MTERF4: variants seen among roughly 807,000 people sequenced by gnomAD.
MTERF4 encodes transcription termination factor 4, mitochondrial.
In MTERF4, 17 loss-of-function variants were observed where a neutral mutation model predicts 22.5. The observed-to-expected ratio is 0.75, with a 90% CI of 0.52 to 1.13. MTERF4 has a LOEUF of 1.13. Among genes scored for constraint, MTERF4 ranks in the 50% most tolerant of loss-of-function variants. MTERF4 has a pLI of 0.00. For synonymous variants in MTERF4, 165 were observed against 175.3 expected (o/e 0.94, Z 0.47); for missense variants, 420 against 466.8 (o/e 0.90, Z 0.92).
chr2:241,050,527 G>A, the MTERF4 span, among the ~76,000 whole-genome samples: 16 of 152,252 alleles, frequency 1.1e-4, no homozygotes, highest in South Asian at 2.1e-4. Flanking sequence ...AGGCACCCCC[G>A]CAGCCTGGAC....
At chr2:241,085,154 T>C (rs1304326602), downstream of MTERF4, among the ~76,000 whole-genome samples, 2 of 152,234 alleles carry the variant, frequency 1.3e-5, no homozygotes, top group Non-Finnish European at 2.9e-5. Flanking sequence ...GTTTTAATTT[T>C]GTCAAACTTC....
At chr2:241,071,987 A>C, downstream of MTERF4, 1 of 979,068 alleles carries the variant, frequency 1.0e-6, no homozygotes, top group Non-Finnish European at 1.6e-6. Context: ...CCGCCAGCGC[A>C]GTCTCCAGCC....
chr2:241,087,705 G>T (rs2063656875), downstream of MTERF4: 31 of 1,360,940 alleles, frequency 2.3e-5, no homozygotes, highest in East Asian at 2.7e-5. Context: ...TGCTGGGGGG[G>T]GTCACTCTGG....
downstream of MTERF4, chr2:241,071,752 GAGGC>G: frequency 9.7e-7 from 1 of 1,026,496 alleles, no homozygotes; most frequent in Middle Eastern, 2.6e-4. Context: ...CCCATCGCCC[GAGGC>G]GGCGCTCGGA....
downstream of MTERF4, chr2:241,069,000 C>T (rs1367275490): frequency 1.3e-6 from 2 of 1,553,078 alleles, no homozygotes; most frequent in Non-Finnish European, 1.7e-6. This position sits in a 1 kb window ranked among gnomAD's most constrained non-coding sequence, Gnocchi z 5.3. Flanking sequence ...AGCCTGGCCA[C>T]CGCGCCGACG....
At chr2:241,064,211 TGCTCCCCGCCCTCTGCCC>T in the MTERF4 span, 1 of 899,636 alleles carries the variant, frequency 1.1e-6, no homozygotes, top group Non-Finnish European at 1.6e-6. The surrounding 1 kb of genome is among the most constrained non-coding windows in gnomAD (Gnocchi z 7.0). Flanking sequence ...TCTGCCCGCC[TGCTCCCCGCCCTCTGCCC>T]GCCTGCTCCC....
chr2:241,082,203 G>T, downstream of MTERF4: 1 of 1,263,538 alleles, frequency 7.9e-7, no homozygotes, highest in Non-Finnish European at 1.1e-6. Context: ...CCTCTCCCTT[G>T]GGCAAGGCCT....
chr2:241,045,056 A>G, the MTERF4 span, among the ~76,000 whole-genome samples: 1 of 152,250 alleles, frequency 6.6e-6, no homozygotes, highest in Non-Finnish European at 1.5e-5. Context: ...AATACCATTT[A>G]TAATAGCTCC....
chr2:241,048,507 TGG>T, the MTERF4 span: 1 of 1,533,900 alleles, frequency 6.5e-7, no homozygotes, highest in Non-Finnish European at 8.8e-7. Context: ...GGCCTTCCTG[TGG>T]GTGCATGCAG....
downstream of MTERF4, chr2:241,082,293 C>G (rs930432960): frequency 6.2e-7 from 1 of 1,612,994 alleles, no homozygotes; most frequent in Non-Finnish European, 8.5e-7. Context: ...TAAAGGTGTC[C>G]CGCCCCTGCA....
At chr2:241,068,541 G>A (rs943506890), downstream of MTERF4, among the ~76,000 whole-genome samples, 17 of 151,942 alleles carry the variant, frequency 1.1e-4, no homozygotes, top group East Asian at 5.8e-4. The surrounding 1 kb of genome is among the most constrained non-coding windows in gnomAD (Gnocchi z 5.3). Context: ...TTGGCCTCAC[G>A]TTGTCCTGTG....
chr2:241,048,785 C>T, the MTERF4 span: 2 of 1,567,356 alleles, frequency 1.3e-6, no homozygotes, highest in South Asian at 2.3e-5. Flanking sequence ...CCAGGTCACC[C>T]TTCCTGCCCT....
chr2:241,045,848 G>A, the MTERF4 span, among the ~76,000 whole-genome samples: 1 of 152,240 alleles, frequency 6.6e-6, no homozygotes, highest in East Asian at 1.9e-4. Flanking sequence ...TGAAAGACAT[G>A]GTTAAAAGAA....
the MTERF4 span, among the ~76,000 whole-genome samples, chr2:241,061,188 C>T: frequency 6.6e-6 from 1 of 151,328 alleles, no homozygotes. Flanking sequence ...AGAAAACAAC[C>T]TAATAGGAAA....
chr2:241,100,075 G>C, intron 1 of MTERF4, 181 bp from the exon 2 acceptor site: 1 of 712,214 alleles, frequency 1.4e-6, no homozygotes, highest in Non-Finnish European at 2.2e-6. Context: ...ACAAAGAACA[G>C]GGTATTTCAA....
chr2:241,065,150 G>T, the MTERF4 span: 1 of 857,092 alleles, frequency 1.2e-6, no homozygotes, highest in South Asian at 1.7e-5. Context: ...CCCTCCTGGA[G>T]GTACGTGGCC....
Position 241,073,486 on chromosome 2 carries a change from G to T in MTERF4, n.2676C>A, listed in dbSNP as rs955199780. 2 of 820,636 alleles carry T rather than the reference G, an allele frequency of 2.4e-6. No homozygotes were observed. Among genetic ancestry groups the T allele is most frequent in the Non-Finnish European group, 4.1e-6 (2 of 487,036 alleles). 50.8% of individuals were successfully genotyped at this position (820,636 alleles called of 1,614,324 possible). ...CAGGAGGCACAGAGCCTACCTGAGG[G>T]GAGGCTGAGCACCAGGCACCCCGGT... On this transcript the variant is annotated non_coding_transcript_exon_variant, in exon 5 of 5. Coordinates refer to the MTERF4 transcript ENST00000464344. The surrounding 1 kb of genome is among the most constrained non-coding windows in gnomAD (Gnocchi z 6.6).
Position 241,073,262 on chromosome 2 carries a change from C to T in MTERF4, n.2900G>A. The T allele has an allele frequency of 1.9e-6, 3 of 1,553,916 alleles. No individual in the cohort carries two copies. ...CCGTGTGGTCACCGCCTGGCTTCTCCTAGAACCCACAGCCTCGGCGCAGCT... is the reference window on the plus strand; with the variant it reads ...CCGTGTGGTCACCGCCTGGCTTCTCTTAGAACCCACAGCCTCGGCGCAGCT... On this transcript the variant is annotated non_coding_transcript_exon_variant, in exon 5 of 5. Coordinates refer to the MTERF4 transcript ENST00000464344. The surrounding 1 kb of genome is among the most constrained non-coding windows in gnomAD (Gnocchi z 6.6).
chr2:241,061,618 G>C, the MTERF4 span, among the ~76,000 whole-genome samples: 1 of 152,190 alleles, frequency 6.6e-6, no homozygotes, highest in Non-Finnish European at 1.5e-5. Context: ...GCTGGGCGTA[G>C]ACTCATGCCT....
Sources: allele counts gnomAD v4.1 joint callset (sites outside exome capture counted in the v4.1 genomes callset), GRCh38; gene constraint gnomAD v4.1.1; non-coding constraint Gnocchi (gnomAD v3.1); transcripts MANE v1.5; gene names NCBI Gene and HGNC (gene_info 2026-07-23, HGNC 2026-07-21).